Variants in CDH26 observed in about 807,000 individuals in gnomAD.
CDH26 encodes cadherin 26, also known as cadherin-like protein 26.
Under a neutral mutation model 90.3 loss-of-function variants are expected in CDH26, and 83 were observed. The observed-to-expected ratio is 0.92, with a 90% CI of 0.77 to 1.10. CDH26 has a LOEUF of 1.10. Among genes scored for constraint, CDH26 ranks in the 50% least tolerant of loss-of-function variants. The probability of loss-of-function intolerance (pLI) is 0.00; values close to 1 mark genes in which losing one functional copy is unlikely to be tolerated. For missense variants in CDH26, 1,013 were observed against 1,037.6 expected (o/e 0.98, Z 0.33); for synonymous variants, 397 against 396.3 (o/e 1.00, Z -0.02).
intron 9 of CDH26, among the ~76,000 whole-genome samples, chr20:59,989,637 C>A (rs1342694439): frequency 6.6e-6 from 1 of 152,170 alleles, no homozygotes; most frequent in Non-Finnish European, 1.5e-5. Context: ...AGTGCATGAC[C>A]ACTGACCTGA....
chr20:59,974,442 A>G (rs528258397), intron 4 of CDH26, among the ~76,000 whole-genome samples: 1 of 152,348 alleles, frequency 6.6e-6, no homozygotes, highest in African/African-American at 2.4e-5. Flanking sequence ...AAAAGCTGAT[A>G]ATGCTAAAGC....
Position 59,985,043 on chromosome 20 carries a change from G to A in CDH26, c.751G>A (p.Gly251Arg). 6.2e-7 allele frequency: 1 copy of A among 1,614,094 alleles called. No homozygotes were observed. Among genetic ancestry groups the A allele is most frequent in the South Asian group, 1.1e-5 (1 of 91,068 alleles). The change falls in exon 7 of 18, where the codon GGA becomes AGA. Residue 251 changes from glycine to arginine, a missense_variant. Gly to Arg is a moderately radical substitution (Grantham distance 125). Coordinates refer to ENST00000348616, the MANE Select transcript of CDH26 (RefSeq NM_177980.4). Reference sequence around the variant, plus strand: ...ACTGCTAATCAGAGCCAGGGACTGTGGAGAACCGTCACTGTCATCCACGAC... The same window carrying A: ...ACTGCTAATCAGAGCCAGGGACTGTAGAGAACCGTCACTGTCATCCACGAC... Reference protein sequence around the residue: ...FTLLIRARDCGEPSLSSTTTV... With the variant: ...FTLLIRARDCREPSLSSTTTV...
At position 59,971,943 on chromosome 20, in the gene CDH26, C is replaced by T. The variant is rs1166251900; in HGVS notation, c.232-19C>T. 21 of 1,592,866 alleles carry T rather than the reference C, an allele frequency of 1.3e-5. No homozygotes were observed. In the Admixed American group the frequency reaches 1.4e-4, roughly 11 times the overall value. ...TTCTCATCCTCCTTTTTTCTTCTTTCCATTTTTCCTCCTTCCAGCTGTTCA... is the reference window on the plus strand; with the variant it reads ...TTCTCATCCTCCTTTTTTCTTCTTTTCATTTTTCCTCCTTCCAGCTGTTCA... On this transcript the variant is annotated intron_variant, in intron 3 of 17. Transcript: ENST00000348616.
intron 1 of CDH26, among the ~76,000 whole-genome samples, chr20:59,968,462 G>A (rs114108653): frequency 6.6e-6 from 1 of 151,998 alleles, no homozygotes; most frequent in African/African-American, 2.4e-5. Context: ...AAGGATTGTT[G>A]AGATATAAAT....
At chr20:60,010,863 G>T (rs2061827396) in intron 17 of CDH26, among the ~76,000 whole-genome samples, 1 of 152,310 alleles carries the variant, frequency 6.6e-6, no homozygotes, top group South Asian at 2.1e-4. Flanking sequence ...GCCTGCCCAG[G>T]GTCCTCCCAC....
At chr20:59,966,346 T>C (rs2061149116) in intron 1 of CDH26, among the ~76,000 whole-genome samples, 1 of 152,096 alleles carries the variant, frequency 6.6e-6, no homozygotes, top group African/African-American at 2.4e-5. Flanking sequence ...AGCAGTGCCT[T>C]GTACATACTT....
At position 59,999,472 on chromosome 20, in the gene CDH26, G is replaced by C; in HGVS notation, c.2020-114G>C. On this transcript the variant is annotated intron_variant, in intron 13 of 17. Coordinates refer to ENST00000348616, the MANE Select transcript of CDH26 (RefSeq NM_177980.4). ...ATTTTTTACAGTCTGGACTTCTTCT[G>C]TGATGGCATAGATACAATGTGTTTT... 3.7e-6 allele frequency: 3 copies of C among 810,616 alleles called. No homozygotes were observed. In the South Asian group the frequency reaches 5.0e-5, roughly 13 times the overall value. The allele number at this position is 810,616 out of a possible 1,614,324, so 50.2% of individuals were successfully genotyped here.
chr20:60,016,922 T>C (rs978368720), downstream of CDH26, among the ~76,000 whole-genome samples: 4 of 152,124 alleles, frequency 2.6e-5, no homozygotes, highest in Non-Finnish European at 5.9e-5. Context: ...TCATGTGTAC[T>C]GATTTGGGTA....
chr20:59,961,225 A>T (rs2061068787), intron 1 of CDH26, among the ~76,000 whole-genome samples: 1 of 151,680 alleles, frequency 6.6e-6, no homozygotes, highest in Non-Finnish European at 1.5e-5. Context: ...CAGGAAACAG[A>T]CCTGAATTCT....
chr20:60,028,980 A>G (rs1026820598), intron 7 of CDH26, among the ~76,000 whole-genome samples: 5 of 152,218 alleles, frequency 3.3e-5, no homozygotes, highest in Non-Finnish European at 5.9e-5. Flanking sequence ...ATAGACACAC[A>G]AGGGGATGCT....
chr20:59,979,975 T>C (rs1175435024), intron 4 of CDH26, among the ~76,000 whole-genome samples: 1 of 152,140 alleles, frequency 6.6e-6, no homozygotes, highest in Non-Finnish European at 1.5e-5. Context: ...TGTAGGTAGA[T>C]ACCTAGGAGT....
intron 7 of CDH26, among the ~76,000 whole-genome samples, chr20:60,027,726 C>T (rs2062009456): frequency 6.6e-6 from 1 of 152,210 alleles, no homozygotes; most frequent in Admixed American, 6.5e-5. Flanking sequence ...ATGGTCGGTG[C>T]TGCCCAGCAC....
rs2061473012 is a variant in CDH26, at chr20:59,987,441, T to TG, written c.838-11dup. On this transcript the variant is annotated splice_polypyrimidine_tract_variant and intron_variant, in intron 7 of 17. Transcript: ENST00000348616. ...GTTTCCATGACATGGACATGATGATTGCTTCTTTCAGTATAAGGTTCAGAT... is the reference window on the plus strand; with the variant it reads ...GTTTCCATGACATGGACATGATGATTGGCTTCTTTCAGTATAAGGTTCAGAT... 6.2e-7 allele frequency: 1 copy of TG among 1,600,314 alleles called. No homozygotes were observed. The highest frequency in any genetic ancestry group is 1.7e-5 in the Admixed American group (1 of 57,322).
At chr20:59,990,284 C>T (rs6064875) in intron 9 of CDH26, among the ~76,000 whole-genome samples, 1 of 152,120 alleles carries the variant, frequency 6.6e-6, no homozygotes, top group Non-Finnish European at 1.5e-5. Context: ...GGCATATGGC[C>T]TGAATCTCTT....
rs1168952338 is a variant in CDH26 at position 59,967,856 on chromosome 20, TCTTTCTTTCTTTCTTTCTTTCTTC to T, written c.70-1107_70-1084del. Among the ~76,000 whole-genome samples the T allele has an allele frequency of 1.1e-3, 121 of 114,636 alleles. 1 individual carries two copies. Among genetic ancestry groups the T allele is most frequent in the African/African-American group, 5.4e-3 (115 of 21,116 alleles). The allele number at this position is 114,636 out of a possible 152,430, so 75.2% of individuals were successfully genotyped here. Reference sequence around the variant, plus strand: ...TTCTTTCTTTCTTTCTTTCTTTCTTTCTTTCTTTCTTTCTTTCTTTCTTCCTTCCTTCCTTCCTTCCTTCCTTCC... The same window carrying T: ...TTCTTTCTTTCTTTCTTTCTTTCTTTCTTCCTTCCTTCCTTCCTTCCTTCC... On this transcript the variant is annotated intron_variant, in intron 1 of 17. Coordinates refer to ENST00000348616, the MANE Select transcript of CDH26 (RefSeq NM_177980.4).
chr20:59,995,797 G>A (rs1159927942), intron 11 of CDH26, 36 bp from the exon 12 acceptor site: 2 of 1,573,734 alleles, frequency 1.3e-6, no homozygotes, highest in Non-Finnish European at 1.7e-6. Context: ...GCAGATGAGT[G>A]AGTCAATGCA....
chr20:60,024,757 G>A (rs1311292582), intron 7 of CDH26, among the ~76,000 whole-genome samples: 1 of 152,192 alleles, frequency 6.6e-6, no homozygotes, highest in Non-Finnish European at 1.5e-5. Flanking sequence ...CCACTCCCAT[G>A]ATCTCTTCTT....
intron 14 of CDH26, among the ~76,000 whole-genome samples, chr20:60,001,051 G>A (rs1035795870): frequency 1.3e-5 from 2 of 152,138 alleles, no homozygotes; most frequent in African/African-American, 4.8e-5. Flanking sequence ...GATGTCATCT[G>A]CGTGTCTATG....
At chr20:60,018,702 CTTTTTTT>C (rs55994712), downstream of CDH26, among the ~76,000 whole-genome samples, 2 of 17,814 alleles carry the variant, frequency 1.1e-4, no homozygotes, top group Admixed American at 8.2e-4. Flanking sequence ...CTCTTACTGC[CTTTTTTT>C]TTTTTTTTTT....
Sources: allele counts gnomAD v4.1 joint callset (sites outside exome capture counted in the v4.1 genomes callset), GRCh38; gene constraint gnomAD v4.1.1; transcripts MANE v1.5; gene names NCBI Gene and HGNC (gene_info 2026-07-23, HGNC 2026-07-21).